The following ZFP64 variants were observed in gnomAD, a reference collection of about 807,000 sequenced individuals.
ZFP64 encodes the protein ZFP64 zinc finger protein.
ZFP64 carries 14 observed loss-of-function variants against 51.6 expected under a neutral mutation model. The observed-to-expected ratio is 0.27, with a 90% CI of 0.18 to 0.42. The LOEUF (loss-of-function observed/expected upper bound fraction) is 0.42, where lower values mean the gene tolerates loss of function less well. ZFP64 is among the 10% of genes least tolerant of loss of function. ZFP64 has a pLI of 1.00. For synonymous variants in ZFP64, 375 were observed against 361.4 expected (o/e 1.04, Z -0.43); for missense variants, 754 against 906.8 (o/e 0.83, Z 2.16).
At chr20:52,102,836 A>C (rs571476641) in intron 5 of ZFP64, among the ~76,000 whole-genome samples, 1 of 152,226 alleles carries the variant, frequency 6.6e-6, no homozygotes, top group Non-Finnish European at 1.5e-5. Flanking sequence ...TCTTTAGTAT[A>C]TGTAAGAGAA....
Position 52,152,811 on chromosome 20 carries a change from G to A in ZFP64, c.1381C>T (p.Leu461Phe). Residue 461 changes from leucine to phenylalanine, a missense_variant, in exon 6 of 6, where the codon CTC becomes TTC. This residue lies in a region of ZFP64 where 428 missense variants were observed against 472.4 expected (regional missense o/e 0.91). Transcript: ENST00000216923. The part of the protein sequence containing the change: ...SESKNSDVTV[L>F]QFQIDPSKQP... ...TTGCTGGGGTCGATCTGAAACTGGAGAACGGTCACGTCCGAGTTCTTACTC... is the reference window on the plus strand; with the variant it reads ...TTGCTGGGGTCGATCTGAAACTGGAAAACGGTCACGTCCGAGTTCTTACTC... The A allele has an allele frequency of 6.2e-7, 1 of 1,612,386 alleles. No homozygotes were observed. The highest frequency in any genetic ancestry group is 8.5e-7 in the Non-Finnish European group (1 of 1,178,538).
intron 5 of ZFP64, chr20:52,105,343 C>A: frequency 8.0e-7 from 1 of 1,246,640 alleles, no homozygotes; most frequent in South Asian, 3.7e-5. Context: ...GCGCATGTCC[C>A]GGCAATTCTG....
chr20:52,084,987 G>A (rs1332117849), exon 9 of ZFP64: 1 of 1,614,098 alleles, frequency 6.2e-7, no homozygotes, highest in Non-Finnish European at 8.5e-7. Context: ...GCTGGAGCAG[G>A]AGTAGCTGCA....
At chr20:52,111,692 C>T (rs2122816479) in intron 5 of ZFP64, among the ~76,000 whole-genome samples, 1 of 152,258 alleles carries the variant, frequency 6.6e-6, no homozygotes, top group Admixed American at 6.5e-5. Flanking sequence ...AACAGATTCT[C>T]CTGGTCACTC....
intron 2 of ZFP64, among the ~76,000 whole-genome samples, chr20:52,174,482 CAAAAAA>C (rs386393988): frequency 3.6e-5 from 2 of 56,026 alleles, no homozygotes; most frequent in Non-Finnish European, 6.7e-5. Context: ...GGCTCCATCT[CAAAAAA>C]AAAAAAAAAA....
intron 5 of ZFP64, among the ~76,000 whole-genome samples, chr20:52,137,858 A>G (rs1600741485): frequency 6.6e-6 from 1 of 152,100 alleles, no homozygotes. Flanking sequence ...GTAGGCAAAT[A>G]TATATTTAAC....
chr20:52,085,369 T>A lies in ZFP64; in HGVS notation c.1229-103A>T. ...TGGCCGCCATGAGATGGTTGGGTTTTGTGAACTCTAAACCCAACCTCCTAA... is the reference window on the plus strand; with the variant it reads ...TGGCCGCCATGAGATGGTTGGGTTTAGTGAACTCTAAACCCAACCTCCTAA... On this transcript the variant is annotated intron_variant, in intron 8 of 8. Coordinates refer to the ZFP64 transcript ENST00000361387. The surrounding 1 kb of genome is among the most constrained non-coding windows in gnomAD (Gnocchi z 4.3). The A allele has an allele frequency of 7.9e-7, 1 of 1,271,226 alleles. No homozygotes were observed. The highest frequency in any genetic ancestry group is 1.1e-6 in the Non-Finnish European group (1 of 933,214). 78.7% of individuals were successfully genotyped at this position (1,271,226 alleles called of 1,614,324 possible). A position where few individuals can be genotyped will look rare whatever the true frequency, so the allele number is the denominator to read the frequency against.
chr20:52,121,461 C>T (rs1568664522), intron 5 of ZFP64, among the ~76,000 whole-genome samples: 1 of 152,194 alleles, frequency 6.6e-6, no homozygotes, highest in Non-Finnish European at 1.5e-5. Context: ...GTCAAACCAG[C>T]TACAACATGC....
intron 5 of ZFP64, chr20:52,105,359 CA>C: frequency 8.0e-7 from 1 of 1,242,258 alleles, no homozygotes; most frequent in Non-Finnish European, 1.0e-6. Context: ...TTCTGCTCAT[CA>C]GCCGAGCAGG....
chr20:52,098,373 C>A, intron 6 of ZFP64: 1 of 1,589,380 alleles, frequency 6.3e-7, no homozygotes. Context: ...CTCAGAGATT[C>A]ACGTAGGGCT....
chr20:52,116,700 C>G (rs577720203), intron 5 of ZFP64, among the ~76,000 whole-genome samples: 1 of 152,064 alleles, frequency 6.6e-6, no homozygotes, highest in South Asian at 2.1e-4. Flanking sequence ...CACATATATA[C>G]ACATATGCCC....
chr20:52,152,889 T>C lies in ZFP64; in HGVS notation c.1303A>G (p.Met435Val). Residue 435 changes from methionine (M) to valine (V), a missense_variant, in exon 6 of 6, where the codon ATG becomes GTG. By Grantham distance (21) the Met-to-Val change is conservative (BLOSUM62 1). This residue lies in a region of ZFP64 where 428 missense variants were observed against 472.4 expected (regional missense o/e 0.91). Coordinates refer to ENST00000216923, the MANE Select transcript of ZFP64 (RefSeq NM_018197.3). Reference protein sequence around the residue: ...FHCDICDASFMREDSLRSHKR... With the variant: ...FHCDICDASFVREDSLRSHKR... ...TGGCTGCGGAGCGAGTCCTCCCGCA[T>C]GAAGGAGGCATCGCATATATCGCAG... The C allele has an allele frequency of 6.2e-7, 1 of 1,614,138 alleles. No individual in the cohort carries two copies. Among genetic ancestry groups the C allele is most frequent in the Non-Finnish European group, 8.5e-7 (1 of 1,180,044 alleles).
chr20:52,118,376 A>G (rs1054630119), intron 5 of ZFP64, among the ~76,000 whole-genome samples: 8 of 152,198 alleles, frequency 5.3e-5, no homozygotes, highest in Non-Finnish European at 8.8e-5. Context: ...CTCCTGAGCT[A>G]TAGCAGATGT....
At chr20:52,102,051 G>T (rs1328485620) in intron 5 of ZFP64, among the ~76,000 whole-genome samples, 2 of 144,670 alleles carry the variant, frequency 1.4e-5, no homozygotes, top group Non-Finnish European at 3.0e-5. Context: ...GGCAGAGGTT[G>T]CAGTGAGCCC....
chr20:52,093,568 G>A (rs1211306356), intron 7 of ZFP64, among the ~76,000 whole-genome samples: 1 of 152,154 alleles, frequency 6.6e-6, no homozygotes, highest in African/African-American at 2.4e-5. Context: ...TATGGATGTA[G>A]GCAATAAACC....
At chr20:52,091,930 C>T (rs1405712103) in intron 7 of ZFP64, among the ~76,000 whole-genome samples, 2 of 151,690 alleles carry the variant, frequency 1.3e-5, no homozygotes, top group Non-Finnish European at 2.9e-5. Context: ...GTGGAGGTTG[C>T]GGTGAGCCAA....
chr20:52,113,746 C>T (rs1035630956), intron 5 of ZFP64, among the ~76,000 whole-genome samples: 1 of 152,014 alleles, frequency 6.6e-6, no homozygotes, highest in Non-Finnish European at 1.5e-5. Flanking sequence ...CATCTGATAA[C>T]AATTCTTTGA....
intron 5 of ZFP64, chr20:52,117,749 G>A (rs1180728896): frequency 2.2e-6 from 1 of 445,184 alleles, no homozygotes; most frequent in Non-Finnish European, 4.5e-6. Context: ...AACTTGCCTA[G>A]AAATGCCAAG....
chr20:52,089,192 A>C (rs1381153351), intron 7 of ZFP64: 2 of 309,332 alleles, frequency 6.5e-6, no homozygotes, highest in African/African-American at 4.4e-5. Context: ...CAACCCTTCC[A>C]GGCTGATCAT....
Sources: gnomAD v4.1 joint callset for allele counts (sites outside exome capture counted in the v4.1 genomes callset) on GRCh38, gnomAD v4.1.1 for gene constraint, gnomAD v4.1.1 regional missense constraint, Gnocchi (gnomAD v3.1) non-coding constraint, MANE v1.5 for transcripts, NCBI Gene and HGNC (gene_info 2026-07-23, HGNC 2026-07-21) for gene names.